NEDD1: variants seen among roughly 807,000 people sequenced by gnomAD.
NEDD1 encodes the protein protein NEDD1.
Under a neutral mutation model 74.0 loss-of-function variants are expected in NEDD1, and 33 were observed. That is an observed-to-expected ratio of 0.45 (90% CI 0.34 to 0.60). NEDD1 has a LOEUF of 0.60. Among genes scored for constraint, NEDD1 ranks in the 20% least tolerant of loss-of-function variants. NEDD1 has a pLI of 0.01. For synonymous variants in NEDD1, 250 were observed against 264.4 expected (o/e 0.95, Z 0.53); for missense variants, 746 against 776.5 (o/e 0.96, Z 0.47).
intron 7 of NEDD1, among the ~76,000 whole-genome samples, chr12:96,936,050 A>C (rs898972335): frequency 6.6e-6 from 1 of 152,108 alleles, no homozygotes; most frequent in African/African-American, 2.4e-5. Context: ...TACTATACAC[A>C]CCAGTAAAGA....
chr12:96,909,846 C>T lies in NEDD1; in HGVS notation c.87C>T (p.Asn29=). Residue 29 remains asparagine, a synonymous_variant, in exon 3 of 16, where the codon AAC becomes AAT. Transcript: ENST00000266742. ...ASSMTLVDKF[N]PHTSPHGISS... is the part of the protein sequence containing the mutation. The stretch of plus-strand genomic sequence containing the variant: ...CTATGACATTGGTGGATAAATTCAA[C>T]CCACACACATCACCACATGGAATCA... 1 of 1,613,436 alleles carries T rather than the reference C, an allele frequency of 6.2e-7. No individual in the cohort carries two copies. Among genetic ancestry groups the T allele is most frequent in the Admixed American group, 1.7e-5 (1 of 59,974 alleles).
chr12:96,944,767 A>G lies in NEDD1; in HGVS notation c.1626A>G (p.Glu542=), dbSNP rs1167666052. Reference sequence around the variant, plus strand: ...AAATTGAAGCCCAGTTGATATGTGAACCCCCAATCAATGGATCCTCAACTC... The same window carrying G: ...AAATTGAAGCCCAGTTGATATGTGAGCCCCCAATCAATGGATCCTCAACTC... ...ENEIEAQLIC[E]PPINGSSTPN... is the part of the protein sequence containing the mutation. The change falls in exon 13 of 16, where the codon GAA becomes GAG. Residue 542 remains glutamate (E), a synonymous_variant. Coordinates refer to ENST00000266742, the MANE Select transcript of NEDD1 (RefSeq NM_152905.4). The G allele has an allele frequency of 3.2e-6, 5 of 1,573,728 alleles. No individual in the cohort carries two copies. The highest frequency in any genetic ancestry group is 1.4e-5 in the African/African-American group (1 of 72,178).
In NEDD1 at chr12:96,936,934, T is replaced by A. The variant is rs1877165139; in HGVS notation, c.921+122T>A. On this transcript the variant is annotated intron_variant, in intron 8 of 15. Transcript: ENST00000266742. ...TTCATAATTACATAATGATTTTACA[T>A]GTAATGTATAATAATTTTAGTACAA... 1.1e-5 allele frequency: 7 copies of A among 635,768 alleles called. No individual in the cohort carries two copies. In the East Asian group the frequency reaches 2.0e-4, roughly 18 times the overall value. The allele number at this position is 635,768 out of a possible 1,614,324, so 39.4% of individuals were successfully genotyped here.
At chr12:96,932,455 AAAAAAAAAATATAT>A (rs1565801162) in intron 6 of NEDD1, among the ~76,000 whole-genome samples, 1 of 13,846 alleles carries the variant, frequency 7.2e-5, no homozygotes, top group Non-Finnish European at 1.6e-4. Context: ...AAAAAAAAAA[AAAAAAAAAATATAT>A]ATATATATAT....
chr12:96,930,203 A>ACT (rs1797401107), intron 6 of NEDD1, among the ~76,000 whole-genome samples: 2 of 67,266 alleles, frequency 3.0e-5, no homozygotes, highest in African/African-American at 1.1e-4. Flanking sequence ...ACACACACAC[A>ACT]CACACACACT....
rs941321579 is a variant in NEDD1, at chr12:96,953,697, C to T, written c.*1644C>T. On this transcript the variant is annotated 3_prime_UTR_variant, in exon 16 of 16. Coordinates refer to ENST00000266742, the MANE Select transcript of NEDD1 (RefSeq NM_152905.4). The stretch of plus-strand genomic sequence containing the variant: ...AATGTTATATGCAAAAAATAGGAAA[C>T]ATGAAATTGAAATTTCATTGTTGGC... The T allele has an allele frequency of 1.4e-4, 21 of 151,582 alleles. No homozygotes were observed. The highest frequency in any genetic ancestry group is 4.6e-4 in the African/African-American group (19 of 41,350). The allele number at this position is 151,582 out of a possible 1,614,324, so 9.4% of individuals were successfully genotyped here.
Position 96,953,062 on chromosome 12 carries a change from T to C in NEDD1, c.*1009T>C, listed in dbSNP as rs963845366. 2.6e-5 allele frequency: 4 copies of C among 151,688 alleles called. No individual in the cohort carries two copies. In the South Asian group the frequency reaches 6.2e-4, roughly 24 times the overall value. 9.4% of individuals were successfully genotyped at this position (151,688 alleles called of 1,614,324 possible). A position where few individuals can be genotyped will look rare whatever the true frequency, so the allele number is the denominator to read the frequency against. On this transcript the variant is annotated 3_prime_UTR_variant, in exon 16 of 16. Coordinates refer to ENST00000266742, the MANE Select transcript of NEDD1 (RefSeq NM_152905.4). ...GATAGATGTATACATCTACCTACTA[T>C]GATCTACAATTTTAGGTTAAGTGAA...
At position 96,944,807 on chromosome 12, in the gene NEDD1, A is replaced by G. The variant is rs770661135; in HGVS notation, c.1654+12A>G. 3 of 1,519,900 alleles carry G rather than the reference A, an allele frequency of 2.0e-6. No homozygotes were observed. The highest frequency in any genetic ancestry group is 1.8e-6 in the Non-Finnish European group (2 of 1,137,120). The allele number at this position is 1,519,900 out of a possible 1,614,324, so 94.2% of individuals were successfully genotyped here. On this transcript the variant is annotated intron_variant, in intron 13 of 15. Transcript: ENST00000266742. The stretch of plus-strand genomic sequence containing the variant: ...ATCCTCAACTCCAAGTAAGTACATG[A>G]AACTTCCTGATGTTTGAAAGTGTTT...
intron 3 of NEDD1, among the ~76,000 whole-genome samples, chr12:96,912,108 TTACATTTTA>T (rs143560922): frequency 0.038 from 5,794 of 152,206 alleles, 377 homozygotes; most frequent in African/African-American, 0.13. Context: ...GTAAATAAAA[TTACATTTTA>T]TTTAAAAATT....
At position 96,920,049 on chromosome 12, in the gene NEDD1, C is replaced by T; in HGVS notation, c.413C>T (p.Ser138Phe). The change falls in exon 6 of 16, where the codon TCT becomes TTT. Residue 138 changes from serine to phenylalanine, a missense_variant. Transcript: ENST00000266742. Reference sequence around the variant, plus strand: ...AATGATTGCTACATTGCTTCTGGATCTCTTAGTGGTGAAATTATTTTACAC... The same window carrying T: ...AATGATTGCTACATTGCTTCTGGATTTCTTAGTGGTGAAATTATTTTACAC... ...NWNDCYIASG[S>F]LSGEIILHSV... 1 of 1,600,892 alleles carries T rather than the reference C, an allele frequency of 6.2e-7. No homozygotes were observed. The highest frequency in any genetic ancestry group is 8.6e-7 in the Non-Finnish European group (1 of 1,168,532).
intron 15 of NEDD1, 44 bp from the exon 16 acceptor site, chr12:96,951,905 T>C: frequency 2.0e-6 from 2 of 1,024,010 alleles, no homozygotes; most frequent in Non-Finnish European, 3.0e-6. Flanking sequence ...GCCAAATAAA[T>C]GTGAAATATC....
chr12:96,909,656 A>T, intron 2 of NEDD1, 96 bp from the exon 3 acceptor site: 1 of 944,094 alleles, frequency 1.1e-6, no homozygotes, highest in South Asian at 1.7e-5. Context: ...AAAATGAATG[A>T]GTTAGAGCCA....
At position 96,935,153 on chromosome 12, in the gene NEDD1, G is replaced by T; in HGVS notation, c.667G>T (p.Val223Leu). 1 of 1,613,052 alleles carries T rather than the reference G, an allele frequency of 6.2e-7. No individual in the cohort carries two copies. The highest frequency in any genetic ancestry group is 1.1e-5 in the South Asian group (1 of 91,060). ...CFSPVNELLF[V>L]TIGLDKRIIL... ...TTCTCCTGTCAATGAATTGCTCTTT[G>T]TAACCATAGGCTTGGATAAAAGAAT... Residue 223 changes from valine to leucine, a missense_variant, in exon 7 of 16, where the codon GTA becomes TTA. Physicochemically the swap from Val to Leu is conservative, Grantham distance 32. Coordinates refer to ENST00000266742, the MANE Select transcript of NEDD1 (RefSeq NM_152905.4).
chr12:96,952,009 G>A lies in NEDD1; in HGVS notation c.1939G>A (p.Glu647Lys). The A allele has an allele frequency of 6.2e-7, 1 of 1,606,114 alleles. No individual in the cohort carries two copies. Residue 647 changes from glutamate to lysine, a missense_variant, in exon 16 of 16, where the codon GAA becomes AAA. Glu to Lys is a moderately conservative substitution (Grantham distance 56). This residue lies in a region of NEDD1 where 29 missense variants were observed against 50.8 expected (regional missense o/e 0.57). Transcript: ENST00000266742. ...SVNEGLVAEIERLREENKRLR... is the reference protein window; with the variant it reads ...SVNEGLVAEIKRLREENKRLR... ...GAATGAAGGTTTAGTGGCTGAAATT[G>A]AAAGACTACGAGAAGAAAACAAAAG...
At chr12:96,920,769 C>CT (rs1874993766) in intron 6 of NEDD1, among the ~76,000 whole-genome samples, 1 of 152,080 alleles carries the variant, frequency 6.6e-6, no homozygotes. Flanking sequence ...GGTGCAAGTT[C>CT]TTTCAATTTT....
At chr12:96,913,342 A>G (rs1180839731) in intron 4 of NEDD1, among the ~76,000 whole-genome samples, 1 of 151,288 alleles carries the variant, frequency 6.6e-6, no homozygotes, top group South Asian at 2.1e-4. Flanking sequence ...GGGCGTTTAA[A>G]TGAAGCTCTC....
intron 6 of NEDD1, 122 bp from the exon 7 acceptor site, chr12:96,934,854 A>T (rs1876922650): frequency 2.9e-6 from 2 of 682,252 alleles, no homozygotes; most frequent in Non-Finnish European, 5.1e-6. Flanking sequence ...TGTCACTCTT[A>T]CACATCAGAG....
At chr12:96,949,416 A>AT (rs1878499803) in intron 14 of NEDD1, among the ~76,000 whole-genome samples, 4 of 152,124 alleles carry the variant, frequency 2.6e-5, no homozygotes, top group Admixed American at 6.6e-5. Context: ...AAACATTAAA[A>AT]ATTTTTTTTG....
At chr12:96,927,726 G>A (rs932033464) in intron 6 of NEDD1, among the ~76,000 whole-genome samples, 1 of 152,100 alleles carries the variant, frequency 6.6e-6, no homozygotes, top group Non-Finnish European at 1.5e-5. Context: ...GCTTGAGTAT[G>A]GAGATCTGAT....
Sources: allele counts gnomAD v4.1 joint callset (sites outside exome capture counted in the v4.1 genomes callset), GRCh38; gene constraint gnomAD v4.1.1; regional missense constraint gnomAD v4.1.1; transcripts MANE v1.5; gene names NCBI Gene and HGNC (gene_info 2026-07-23, HGNC 2026-07-21).